CPAMD8: variants seen among roughly 807,000 people sequenced by gnomAD.
CPAMD8 encodes C3 and PZP-like alpha-2-macroglobulin domain-containing protein 8.
Under a neutral mutation model 224.7 loss-of-function variants are expected in CPAMD8, and 146 were observed. The ratio of observed to expected loss-of-function variants is 0.65; its 90% CI spans 0.57 to 0.75. The LOEUF (loss-of-function observed/expected upper bound fraction) is 0.75, where lower values mean the gene tolerates loss of function less well. CPAMD8 is among the 30% of genes least tolerant of loss of function. The pLI is 0.00. For synonymous variants in CPAMD8, 966 were observed against 1,044.6 expected (o/e 0.92, Z 1.45); for missense variants, 2,301 against 2,537.5 (o/e 0.91, Z 2.00).
chr19:16,909,585 A>T (rs748407338), intron 29 of CPAMD8, among the ~76,000 whole-genome samples: 3 of 151,714 alleles, frequency 2.0e-5, no homozygotes, highest in Non-Finnish European at 4.4e-5. Flanking sequence ...ATCTCTACTA[A>T]AAATACAAAA....
At chr19:16,964,200 TGAAA>T (rs2054747349) in intron 18 of CPAMD8, among the ~76,000 whole-genome samples, 1 of 151,966 alleles carries the variant, frequency 6.6e-6, no homozygotes, top group African/African-American at 2.4e-5. Context: ...AGAGCAGAAC[TGAAA>T]GAGACAGAGA....
At chr19:16,904,679 G>C (rs1599663531) in intron 30 of CPAMD8, 127 bp from the exon 31 acceptor site, 21 of 700,478 alleles carry the variant, frequency 3.0e-5, no homozygotes, top group South Asian at 2.9e-4. Context: ...AAGAGTATCA[G>C]GGGAAGACAG....
At chr19:17,024,448 G>T (rs1425730733) in intron 1 of CPAMD8, among the ~76,000 whole-genome samples, 1 of 152,172 alleles carries the variant, frequency 6.6e-6, no homozygotes, top group Non-Finnish European at 1.5e-5. Flanking sequence ...ACTGGAATGT[G>T]GCATCCTTTA....
chr19:16,894,663 A>G (rs2051888865), intron 41 of CPAMD8: 1 of 346,848 alleles, frequency 2.9e-6, no homozygotes, highest in Admixed American at 3.7e-5. Flanking sequence ...CTGGGTGTCC[A>G]TGTGCGGTAA....
chr19:16,978,504 C>G (rs1334890894), intron 14 of CPAMD8, among the ~76,000 whole-genome samples: 1 of 152,142 alleles, frequency 6.6e-6, no homozygotes, highest in African/African-American at 2.4e-5. Flanking sequence ...GTGCACCATG[C>G]CCAAAGCAGG....
At position 16,904,232 on chromosome 19, in the gene CPAMD8, G is replaced by T; in HGVS notation, c.4245C>A (p.Ser1415=). 1.9e-6 allele frequency: 3 copies of T among 1,608,164 alleles called. No individual in the cohort carries two copies. The highest frequency in any genetic ancestry group is 2.5e-6 in the Non-Finnish European group (3 of 1,177,364). The change falls in exon 32 of 42, where the codon TCC becomes TCA. Residue 1415 remains serine, a synonymous_variant. Coordinates refer to ENST00000443236, the MANE Select transcript of CPAMD8 (RefSeq NM_015692.5). ...CTGGCCCTGCCCGGCTCGCCTGAGT[G>T]GAGGAGAAGCCCCCAAGTGCATTTC... ...QQRNALGGFS[S]TQDTCVALQA... is the part of the protein sequence containing the mutation.
Position 16,921,982 on chromosome 19 carries a change from G to T in CPAMD8, c.3552C>A (p.Tyr1184Ter). ...RETTDYLVQG[Y>*]QRQLTYKRQD... ...GGCGCTTGTAGGTCAGCTGGCGCTG[G>T]TAGCCTGTGGGGCAAGCAGAGAGGA... The change falls in exon 27 of 42, where the codon TAC (tyrosine) becomes TAA (stop). Residue 1184 changes from tyrosine to a stop codon, truncating the protein, a stop_gained. Coordinates refer to ENST00000443236, the MANE Select transcript of CPAMD8 (RefSeq NM_015692.5). LOFTEE classifies it high-confidence loss of function. 1 of 1,547,188 alleles carries T rather than the reference G, an allele frequency of 6.5e-7. No individual in the cohort carries two copies.
intron 18 of CPAMD8, among the ~76,000 whole-genome samples, chr19:16,962,202 A>C (rs1341791103): frequency 6.6e-6 from 1 of 152,212 alleles, no homozygotes; most frequent in East Asian, 1.9e-4. Flanking sequence ...TGACAAATTG[A>C]CAGAAGTAGG....
chr19:16,897,766 G>A lies in CPAMD8; in HGVS notation c.4990C>T (p.His1664Tyr), dbSNP rs2052081867. 1.3e-6 allele frequency: 2 copies of A among 1,585,428 alleles called. No individual in the cohort carries two copies. The highest frequency in any genetic ancestry group is 1.3e-5 in the African/African-American group (1 of 74,320). Residue 1664 changes from histidine to tyrosine, a missense_variant, in exon 39 of 42, where the codon CAC (histidine) becomes TAC (tyrosine). Transcript: ENST00000443236. ...EATRFYNVST[H>Y]SPLARELCAG... Reference sequence around the variant, plus strand: ...CACAGTTCCCGGGCGAGTGGGCTGTGGGTGCTGACGTTGTAGAAGCGAGTG... The same window carrying A: ...CACAGTTCCCGGGCGAGTGGGCTGTAGGTGCTGACGTTGTAGAAGCGAGTG...
chr19:17,024,194 G>A (rs1198180057), intron 1 of CPAMD8, among the ~76,000 whole-genome samples: 2 of 152,112 alleles, frequency 1.3e-5, no homozygotes, highest in Non-Finnish European at 2.9e-5. Flanking sequence ...TCATGCACAC[G>A]AACAATGGGT....
intron 13 of CPAMD8, 78 bp downstream of exon 13, chr19:16,989,565 G>T: frequency 6.5e-7 from 1 of 1,535,514 alleles, no homozygotes; most frequent in African/African-American, 1.4e-5. Context: ...GGGATTACAG[G>T]CATGAGCCAC....
chr19:16,908,981 G>A (rs1044391609), intron 29 of CPAMD8, among the ~76,000 whole-genome samples: 2 of 152,142 alleles, frequency 1.3e-5, no homozygotes, highest in African/African-American at 2.4e-5. Flanking sequence ...GACCCAGCCC[G>A]GCCCCAGCTG....
intron 27 of CPAMD8, 39 bp downstream of exon 27, chr19:16,921,866 G>A (rs1384103723): frequency 7.2e-7 from 1 of 1,382,758 alleles, no homozygotes; most frequent in South Asian, 1.2e-5. Flanking sequence ...CGTCGGGCGG[G>A]GAGCCTCAGA....
At chr19:16,943,269 G>A (rs1415494479) in intron 22 of CPAMD8, among the ~76,000 whole-genome samples, 3 of 151,982 alleles carry the variant, frequency 2.0e-5, no homozygotes, top group African/African-American at 7.3e-5. Context: ...GCCCACCTTG[G>A]CCTCCCAAAG....
At chr19:16,906,407 T>TTCCTTCC (rs2052515486) in intron 30 of CPAMD8, among the ~76,000 whole-genome samples, 48 of 69,856 alleles carry the variant, frequency 6.9e-4, no homozygotes, top group African/African-American at 2.8e-3. Flanking sequence ...TCTTTCTTTC[T>TTCCTTCC]TTCCTTCCTT....
intron 41 of CPAMD8, chr19:16,893,768 G>A (rs985437875): frequency 7.6e-5 from 13 of 170,908 alleles, no homozygotes; most frequent in Non-Finnish European, 6.3e-5. Flanking sequence ...CCCGGCAGCC[G>A]GAAGCTGAAA....
rs1462005857 is a variant in CPAMD8 at position 16,902,705 on chromosome 19, G to T, written c.4629C>A (p.Asp1543Glu). 1 of 1,606,244 alleles carries T rather than the reference G, an allele frequency of 6.2e-7. No individual in the cohort carries two copies. The highest frequency in any genetic ancestry group is 8.5e-7 in the Non-Finnish European group (1 of 1,175,562). The change falls in exon 35 of 42, where the codon GAC becomes GAA. Residue 1543 changes from aspartate (D) to glutamate (E), a missense_variant. By Grantham distance (45) the Asp-to-Glu change is conservative (BLOSUM62 2). Transcript: ENST00000443236. Reference sequence around the variant, plus strand: ...CCTGGTGATGCTGATCGGCCGCTGGGTCATCATCGTCAGCTGGGGGCCAGT... The same window carrying T: ...CCTGGTGATGCTGATCGGCCGCTGGTTCATCATCGTCAGCTGGGGGCCAGT... The part of the protein sequence containing the change: ...RGDWPPADDD[D>E]PAADQHHQEY...
Position 16,896,520 on chromosome 19 carries a change from C to A in CPAMD8, c.5211G>T (p.Leu1737=). Residue 1737 remains leucine (L), a synonymous_variant, in exon 40 of 42, where the codon CTG becomes CTT. Transcript: ENST00000443236. ...DGVVYASACR[L]REAACRQAAP... is the part of the protein sequence containing the mutation. ...CGGCCTGGCGGCAGGCGGCCTCCCG[C>A]AGGCGGCAGGCGCTGGCGTAGACCA... 7.0e-7 allele frequency: 1 copy of A among 1,436,998 alleles called. No individual in the cohort carries two copies. The highest frequency in any genetic ancestry group is 3.0e-5 in the Admixed American group (1 of 33,750). 89.0% of individuals were successfully genotyped at this position (1,436,998 alleles called of 1,614,324 possible).
rs1329866357 is a variant in CPAMD8 at position 16,914,431 on chromosome 19, G to T, written c.3854C>A (p.Ala1285Asp). The stretch of plus-strand genomic sequence containing the variant: ...AACCCCTTCTGTACTCACCTCTGAG[G>T]CTGTGCCTGTTTCCAGGAGAGCAAC... ...VVVALLETGTASEEERGSTDK... is the reference protein window; with the variant it reads ...VVVALLETGTDSEEERGSTDK... Residue 1285 changes from alanine (A) to aspartate (D), a missense_variant, in exon 29 of 42, where the codon GCC becomes GAC. Physicochemically the swap from Ala to Asp is moderately radical, Grantham distance 126. Coordinates refer to ENST00000443236, the MANE Select transcript of CPAMD8 (RefSeq NM_015692.5). 1 of 1,614,116 alleles carries T rather than the reference G, an allele frequency of 6.2e-7. No homozygotes were observed. Among genetic ancestry groups the T allele is most frequent in the South Asian group, 1.1e-5 (1 of 91,086 alleles).
Sources: gnomAD v4.1 joint callset for allele counts (sites outside exome capture counted in the v4.1 genomes callset) on GRCh38, gnomAD v4.1.1 for gene constraint, MANE v1.5 for transcripts, NCBI Gene and HGNC (gene_info 2026-07-23, HGNC 2026-07-21) for gene names.